Variants in PTPRK observed in about 807,000 individuals in gnomAD.
The protein encoded by PTPRK is protein tyrosine phosphatase receptor type K.
Under a neutral mutation model 178.0 loss-of-function variants are expected in PTPRK, and 75 were observed. That is an observed-to-expected ratio of 0.42 (90% confidence interval 0.35 to 0.51). PTPRK has a LOEUF of 0.51. Ranked by LOEUF, PTPRK falls within the 20% of genes least tolerant of loss-of-function variation. The pLI is 0.02. For missense variants in PTPRK, 1,441 were observed against 1,797.8 expected (o/e 0.80, Z 3.59); for synonymous variants, 637 against 620.6 (o/e 1.03, Z -0.39).
At chr6:128,193,709 T>C (rs1176978245) in intron 6 of PTPRK, among the ~76,000 whole-genome samples, 1 of 152,188 alleles carries the variant, frequency 6.6e-6, no homozygotes, top group African/African-American at 2.4e-5. Flanking sequence ...ATTTCAGCAA[T>C]GAAACTGCAA....
intron 1 of PTPRK, chr6:128,500,384 A>T (rs1028063732): frequency 6.6e-6 from 1 of 152,124 alleles, no homozygotes; most frequent in Non-Finnish European, 1.5e-5. Flanking sequence ...GTCTCATTTC[A>T]ATCACTGTGG....
chr6:128,171,773 A>G (rs575630806), intron 7 of PTPRK, among the ~76,000 whole-genome samples: 2 of 152,084 alleles, frequency 1.3e-5, no homozygotes, highest in African/African-American at 4.8e-5. Context: ...ATTCTGGATG[A>G]ATTTCTTCAT....
At chr6:128,306,781 G>C (rs559522782) in intron 3 of PTPRK, among the ~76,000 whole-genome samples, 68 of 152,174 alleles carry the variant, frequency 4.5e-4, no homozygotes, top group African/African-American at 1.6e-3. Context: ...CTGGGCAACA[G>C]AGTGATATTT....
intron 2 of PTPRK, among the ~76,000 whole-genome samples, chr6:128,390,736 A>G (rs1316404305): frequency 1.3e-5 from 2 of 152,128 alleles, no homozygotes; most frequent in Non-Finnish European, 2.9e-5. Flanking sequence ...TCTCTGGTAG[A>G]TATGCTGTTA....
At chr6:128,505,164 C>T (rs1187055976) in intron 1 of PTPRK, among the ~76,000 whole-genome samples, 8 of 147,550 alleles carry the variant, frequency 5.4e-5, no homozygotes, top group African/African-American at 1.5e-4. Flanking sequence ...AGTGCAGTGG[C>T]GAAATCTCGG....
intron 2 of PTPRK, among the ~76,000 whole-genome samples, chr6:128,366,948 G>A (rs374312083): frequency 1.3e-5 from 2 of 152,168 alleles, no homozygotes; most frequent in Admixed American, 6.5e-5. Context: ...TGACTCCAGC[G>A]TTAGAAGATA....
intron 3 of PTPRK, among the ~76,000 whole-genome samples, chr6:128,307,524 T>C (rs1439905638): frequency 6.7e-6 from 1 of 148,590 alleles, no homozygotes; most frequent in Non-Finnish European, 1.5e-5. Context: ...CAAAGAACTA[T>C]AAGAAACTGA....
chr6:128,017,327 T>C (rs1223831891), intron 13 of PTPRK, among the ~76,000 whole-genome samples: 1 of 151,998 alleles, frequency 6.6e-6, no homozygotes, highest in African/African-American at 2.4e-5. Context: ...TCCCAATACC[T>C]GCAGTTTTTT....
At chr6:128,262,319 T>C (rs1299525588) in intron 3 of PTPRK, among the ~76,000 whole-genome samples, 1 of 152,182 alleles carries the variant, frequency 6.6e-6, no homozygotes, top group African/African-American at 2.4e-5. Context: ...TATTATGCAC[T>C]ATACTCTCTT....
chr6:128,068,002 A>G (rs1426675256), intron 11 of PTPRK, among the ~76,000 whole-genome samples: 1 of 152,208 alleles, frequency 6.6e-6, no homozygotes, highest in East Asian at 1.9e-4. Flanking sequence ...CACTGTAGTT[A>G]CAAAGAAACT....
intron 7 of PTPRK, among the ~76,000 whole-genome samples, chr6:128,092,328 A>C (rs1787124893): frequency 6.6e-6 from 1 of 152,194 alleles, no homozygotes; most frequent in African/African-American, 2.4e-5. Flanking sequence ...ACTTTAGGAT[A>C]GTACTCAGAA....
intron 3 of PTPRK, among the ~76,000 whole-genome samples, chr6:128,249,544 T>C (rs753873944): frequency 2.6e-5 from 4 of 152,086 alleles, no homozygotes; most frequent in Admixed American, 6.6e-5. Context: ...TAGAAGAAGA[T>C]AGGTTTATAC....
rs759308169 is a variant in PTPRK at position 128,461,093 on chromosome 6, A to G, written c.100+59166T>C. Among the ~76,000 whole-genome samples the G allele has an allele frequency of 3.9e-5, 6 of 152,302 alleles. No homozygotes were observed. The South Asian group carries it at 1.2e-3, about 32-fold the overall frequency. ...CATCTTTTTTCATTTCTTATAATGGACCAATTTAATCGAAGTGTTTCTCTT... is the reference window on the plus strand; with the variant it reads ...CATCTTTTTTCATTTCTTATAATGGGCCAATTTAATCGAAGTGTTTCTCTT... On this transcript the variant is annotated intron_variant, in intron 1 of 29. Transcript: ENST00000368226.
chr6:128,333,597 T>C (rs985127946), intron 2 of PTPRK, among the ~76,000 whole-genome samples: 1 of 152,178 alleles, frequency 6.6e-6, no homozygotes, highest in South Asian at 2.1e-4. Context: ...ATCTTTTTGC[T>C]AGTAGAGGGT....
chr6:128,380,815 C>CTAACA (rs1837797572), intron 2 of PTPRK, among the ~76,000 whole-genome samples: 1 of 152,138 alleles, frequency 6.6e-6, no homozygotes, highest in African/African-American at 2.4e-5. Flanking sequence ...AACAAGAATT[C>CTAACA]GTAGCTAACA....
At chr6:128,054,131 T>A (rs1227030905) in intron 13 of PTPRK, among the ~76,000 whole-genome samples, 1 of 152,212 alleles carries the variant, frequency 6.6e-6, no homozygotes, top group African/African-American at 2.4e-5. Context: ...CTTTCCAGCT[T>A]TTATTTCCCT....
chr6:128,361,141 T>C (rs916247781), intron 2 of PTPRK, among the ~76,000 whole-genome samples: 1 of 152,246 alleles, frequency 6.6e-6, no homozygotes, highest in African/African-American at 2.4e-5. Context: ...ATTCCAGAAA[T>C]TACTGCAACC....
At chr6:128,171,905 C>A (rs2114648846) in intron 7 of PTPRK, among the ~76,000 whole-genome samples, 1 of 151,902 alleles carries the variant, frequency 6.6e-6, no homozygotes, top group East Asian at 1.9e-4. Context: ...CTTAGATTTC[C>A]AAATTTGACT....
intron 1 of PTPRK, among the ~76,000 whole-genome samples, chr6:128,414,499 TAA>T (rs1055600628): frequency 1.1e-4 from 17 of 152,194 alleles, no homozygotes; most frequent in African/African-American, 4.1e-4. Context: ...GAAAAAAATT[TAA>T]AGAGAGCAGC....
Sources: allele counts gnomAD v4.1 joint callset (sites outside exome capture counted in the v4.1 genomes callset), GRCh38; gene constraint gnomAD v4.1.1; transcripts MANE v1.5; gene names NCBI Gene and HGNC (gene_info 2026-07-23, HGNC 2026-07-21).